Variants in PHLPP2 observed in about 807,000 individuals in gnomAD.
PHLPP2 encodes PH domain and leucine rich repeat protein phosphatase 2.
PHLPP2 carries 66 observed loss-of-function variants against 124.9 expected under a neutral mutation model. That is an observed-to-expected ratio of 0.53 (90% CI 0.43 to 0.65). The LOEUF (loss-of-function observed/expected upper bound fraction) is 0.65, where lower values mean the gene tolerates loss of function less well. Among genes scored for constraint, PHLPP2 ranks in the 30% least tolerant of loss-of-function variants. The probability of loss-of-function intolerance (pLI) is 0.00; values close to 1 mark genes in which losing one functional copy is unlikely to be tolerated. For synonymous variants in PHLPP2, 681 were observed against 624.7 expected, an observed-to-expected ratio of 1.09 and a Z score of -1.34; for missense variants, 1,685 against 1,600.4, an observed-to-expected ratio of 1.05 and a Z score of -0.90.
At chr16:71,662,604 A>C (rs758768161) in intron 13 of PHLPP2, among the ~76,000 whole-genome samples, 1 of 152,210 alleles carries the variant, frequency 6.6e-6, no homozygotes, top group Non-Finnish European at 1.5e-5. Context: ...ATAATTTTAT[A>C]ATTTACATAC....
chr16:71,669,664 T>C (rs539980316), intron 10 of PHLPP2, among the ~76,000 whole-genome samples: 17 of 152,288 alleles, frequency 1.1e-4, no homozygotes, highest in Admixed American at 7.2e-4. Flanking sequence ...TGTGGTGGGA[T>C]GGGATGAGGG....
chr16:71,676,657 C>A lies in PHLPP2; in HGVS notation c.1269-8G>T, dbSNP rs369813042. Reference sequence around the variant, plus strand: ...GTTTTCAAATGGTTCATCCTTAATACGCAGAAACAAGAAAATAATCATAAA... The same window carrying A: ...GTTTTCAAATGGTTCATCCTTAATAAGCAGAAACAAGAAAATAATCATAAA... On this transcript the variant is annotated splice_region_variant and splice_polypyrimidine_tract_variant and intron_variant, in intron 8 of 18. Coordinates refer to ENST00000568954, the MANE Select transcript of PHLPP2 (RefSeq NM_015020.3). The A allele has an allele frequency of 6.3e-7, 1 of 1,587,958 alleles. No homozygotes were observed.
At chr16:71,661,170 G>A (rs562512403) in intron 13 of PHLPP2, among the ~76,000 whole-genome samples, 1 of 151,088 alleles carries the variant, frequency 6.6e-6, no homozygotes, top group Non-Finnish European at 1.5e-5. Context: ...AGGTTGAAGC[G>A]ATTCTCATGC....
chr16:71,723,492 A>G (rs12923990), intron 1 of PHLPP2: 135,080 of 158,328 alleles, frequency 0.85, 57,826 homozygotes, highest in East Asian at 0.99. Flanking sequence ...CCCGCAGCCC[A>G]AAGGCGTGGG....
At chr16:71,719,523 C>T (rs1022747830) in intron 1 of PHLPP2, among the ~76,000 whole-genome samples, 1 of 151,940 alleles carries the variant, frequency 6.6e-6, no homozygotes, top group Non-Finnish European at 1.5e-5. Context: ...GTGGGCTACA[C>T]AATGAGGCTA....
chr16:71,723,003 C>G lies in PHLPP2; in HGVS notation c.-7+1326G>C, dbSNP rs962399434. The stretch of plus-strand genomic sequence containing the variant: ...CATCTGTTTTCATATCCTCCCACTC[C>G]CCCAATTCCTGCCAAGAAGCCCCGC... On this transcript the variant is annotated intron_variant, in intron 1 of 18. Coordinates refer to ENST00000568954, the MANE Select transcript of PHLPP2 (RefSeq NM_015020.3). 1.3e-4 allele frequency among the ~76,000 whole-genome samples: 20 copies of G among 152,250 alleles called. No individual in the cohort carries two copies. The East Asian group carries it at 3.9e-3, about 29-fold the overall frequency.
At chr16:71,675,756 C>T (rs1467902498) in intron 9 of PHLPP2, among the ~76,000 whole-genome samples, 1 of 152,096 alleles carries the variant, frequency 6.6e-6, no homozygotes, top group Non-Finnish European at 1.5e-5. Flanking sequence ...CAAGTCTCAC[C>T]CAGTTCTCTC....
At chr16:71,658,523 C>T in intron 14 of PHLPP2, 130 bp downstream of exon 14, 5 of 1,211,772 alleles carry the variant, frequency 4.1e-6, no homozygotes, top group Non-Finnish European at 4.6e-6. Flanking sequence ...CATAAGAAGA[C>T]AATAATATTT....
chr16:71,690,733 A>G, intron 3 of PHLPP2, 24 bp from the exon 4 acceptor site: 1 of 1,520,814 alleles, frequency 6.6e-7, no homozygotes, highest in Non-Finnish European at 9.1e-7. Flanking sequence ...AATACTTCAG[A>G]ATCCACCATT....
intron 13 of PHLPP2, among the ~76,000 whole-genome samples, chr16:71,660,805 T>G (rs1446244495): frequency 6.6e-6 from 1 of 152,142 alleles, no homozygotes; most frequent in Admixed American, 6.5e-5. Flanking sequence ...TTTTTCTGAC[T>G]TGTAAATAGA....
At chr16:71,686,587 G>T (rs2045057303) in intron 4 of PHLPP2, among the ~76,000 whole-genome samples, 1 of 151,932 alleles carries the variant, frequency 6.6e-6, no homozygotes, top group Non-Finnish European at 1.5e-5. Context: ...CTCCTTTACA[G>T]TCAGCCCCCT....
Position 71,678,880 on chromosome 16 carries a change from A to C in PHLPP2, c.1143T>G (p.Ser381Arg). 6.2e-7 allele frequency: 1 copy of C among 1,611,528 alleles called. No homozygotes were observed. Among genetic ancestry groups the C allele is most frequent in the Non-Finnish European group, 8.5e-7 (1 of 1,177,704 alleles). Residue 381 changes from serine to arginine, a missense_variant, in exon 8 of 19, where the codon AGT becomes AGG. By Grantham distance (110) the Ser-to-Arg change is moderately radical. Coordinates refer to ENST00000568954, the MANE Select transcript of PHLPP2 (RefSeq NM_015020.3). ...GTTTCTCATAAACCTCAGGAATTTG[A>C]CTAAAGTTGTTGAAGGAAATTCCCA... ...SSLGISFNNF[S>R]QIPEVYEKLT...
intron 8 of PHLPP2, 46 bp from the exon 9 acceptor site, chr16:71,676,695 A>G: frequency 7.4e-7 from 1 of 1,347,900 alleles, no homozygotes; most frequent in Middle Eastern, 1.8e-4. Flanking sequence ...AGAGTCTATT[A>G]AATGTGCTTA....
chr16:71,649,552 CA>C lies in PHLPP2; in HGVS notation c.3309del (p.Gly1105AlafsTer55). On this transcript the variant is annotated frameshift_variant, in exon 19 of 19. Coordinates refer to ENST00000568954, the MANE Select transcript of PHLPP2 (RefSeq NM_015020.3). LOFTEE classifies it high-confidence loss of function. ...GGAAGCAAGGCAGTGTCCAGGCCCC[CA>C]GCATTATGCTCATCAGAAGCAGTGG... Reference protein sequence around the residue: ...VGSTASDEHNAGGLDTALLPR... With the variant: ...VGSTASDEHNXGGLDTALLPR... The C allele has an allele frequency of 6.2e-7, 1 of 1,614,172 alleles. No homozygotes were observed. The highest frequency in any genetic ancestry group is 8.5e-7 in the Non-Finnish European group (1 of 1,180,032).
intron 13 of PHLPP2, among the ~76,000 whole-genome samples, chr16:71,661,044 G>A (rs1321879808): frequency 1.3e-5 from 2 of 148,730 alleles, no homozygotes; most frequent in African/African-American, 4.9e-5. Flanking sequence ...TCTATTTTTT[G>A]TGATGTTAAT....
At chr16:71,688,982 A>G (rs2045080460) in intron 4 of PHLPP2, among the ~76,000 whole-genome samples, 1 of 152,120 alleles carries the variant, frequency 6.6e-6, no homozygotes, top group Non-Finnish European at 1.5e-5. Flanking sequence ...AATGGCAGTT[A>G]TTGTTTTAGC....
chr16:71,696,767 T>A (rs1028594515), intron 3 of PHLPP2, among the ~76,000 whole-genome samples: 1 of 152,224 alleles, frequency 6.6e-6, no homozygotes, highest in Non-Finnish European at 1.5e-5. Flanking sequence ...CACTTTCGTA[T>A]ATATCCTGTA....
chr16:71,669,630 C>T (rs997986299), intron 10 of PHLPP2, among the ~76,000 whole-genome samples: 2 of 152,180 alleles, frequency 1.3e-5, no homozygotes, highest in African/African-American at 4.8e-5. Context: ...GATAAAAAGG[C>T]TTTCTGCAAT....
At position 71,648,669 on chromosome 16, in the gene PHLPP2, G is replaced by A. The variant is rs2044670240; in HGVS notation, c.*221C>T. On this transcript the variant is annotated 3_prime_UTR_variant, in exon 19 of 19. Coordinates refer to ENST00000568954, the MANE Select transcript of PHLPP2 (RefSeq NM_015020.3). Reference sequence around the variant, plus strand: ...TGCCTGTAATCCCAGCTACTCGGGAGGCTGAGACAGGAGAATGGCTTGAAC... The same window carrying A: ...TGCCTGTAATCCCAGCTACTCGGGAAGCTGAGACAGGAGAATGGCTTGAAC... 2 of 525,404 alleles carry A rather than the reference G, an allele frequency of 3.8e-6. No individual in the cohort carries two copies. Among genetic ancestry groups the A allele is most frequent in the African/African-American group, 1.9e-5 (1 of 52,990 alleles). The allele number at this position is 525,404 out of a possible 1,614,324, so 32.5% of individuals were successfully genotyped here.
Sources: allele counts gnomAD v4.1 joint callset (sites outside exome capture counted in the v4.1 genomes callset), GRCh38; gene constraint gnomAD v4.1.1; transcripts MANE v1.5; gene names NCBI Gene and HGNC (gene_info 2026-07-23, HGNC 2026-07-21).